The following RASSF9 variants were observed in gnomAD, a reference collection of about 807,000 sequenced individuals.
RASSF9 encodes the protein Ras association domain family member 9.
Under a neutral mutation model 21.4 loss-of-function variants are expected in RASSF9, and 18 were observed. The observed-to-expected ratio is 0.84, with a 90% CI of 0.58 to 1.25. The LOEUF (loss-of-function observed/expected upper bound fraction) is 1.25, where lower values mean the gene tolerates loss of function less well. RASSF9 is among the 50% of genes most tolerant of loss of function. The pLI is 0.00. For synonymous variants in RASSF9, 183 were observed against 179.1 expected (o/e 1.02, Z -0.18); for missense variants, 480 against 503.2 (o/e 0.95, Z 0.44).
chr12:85,805,700 C>T lies in RASSF9; in HGVS notation c.310G>A (p.Gly104Arg), dbSNP rs1224974657. 6 of 1,613,822 alleles carry T rather than the reference C, an allele frequency of 3.7e-6. No individual in the cohort carries two copies. The highest frequency in any genetic ancestry group is 5.1e-6 in the Non-Finnish European group (6 of 1,179,900). The stretch of plus-strand genomic sequence containing the variant: ...AATTGCATATTGGGCTGCTCATCTC[C>T]CCACGCTTTCCAAAGCTTCAGGATT... The part of the protein sequence containing the change: ...TRILKLWKAW[G>R]DEQPNMQFVL... The change falls in exon 2 of 2, where the codon GGA becomes AGA. Residue 104 changes from glycine to arginine, a missense_variant. Physicochemically the swap from Gly to Arg is moderately radical, Grantham distance 125. Transcript: ENST00000361228.
chr12:85,806,443 C>G (rs1473049742), intron 1 of RASSF9, among the ~76,000 whole-genome samples: 1 of 149,530 alleles, frequency 6.7e-6, no homozygotes, highest in Non-Finnish European at 1.5e-5. Flanking sequence ...CAGGCCGAGG[C>G]GGGTGGATCA....
rs1323094148 is a variant in RASSF9 at position 85,802,225 on chromosome 12, A to G, written c.*2477T>C. 2 of 152,228 alleles carry G rather than the reference A, an allele frequency of 1.3e-5. No homozygotes were observed. Among genetic ancestry groups the G allele is most frequent in the African/African-American group, 4.8e-5 (2 of 41,462 alleles). The allele number at this position is 152,228 out of a possible 1,614,324, so 9.4% of individuals were successfully genotyped here. A position where few individuals can be genotyped will look rare whatever the true frequency, so the allele number is the denominator to read the frequency against. ...TATAGATAATAACATTACACTTTCT[A>G]TCAAGTTCTATACTTATAATTCCAA... is the stretch of plus-strand genomic sequence containing the variant. On this transcript the variant is annotated 3_prime_UTR_variant, in exon 2 of 2. Coordinates refer to ENST00000361228, the MANE Select transcript of RASSF9 (RefSeq NM_005447.4).
At chr12:85,820,800 T>C (rs1454258906) in intron 1 of RASSF9, among the ~76,000 whole-genome samples, 1 of 152,192 alleles carries the variant, frequency 6.6e-6, no homozygotes, top group Non-Finnish European at 1.5e-5. Flanking sequence ...GTTCAATTTA[T>C]TTCTAGTAAG....
Position 85,805,513 on chromosome 12 carries a change from C to T in RASSF9, c.497G>A (p.Arg166Gln), listed in dbSNP as rs200777764. 1,640 of 1,613,828 alleles carry T rather than the reference C, an allele frequency of 1.0e-3. 2 individuals carry two copies. Among genetic ancestry groups the T allele is most frequent in the Non-Finnish European group, 1.3e-3 (1,524 of 1,179,864 alleles). The change falls in exon 2 of 2, where the codon CGG (arginine) becomes CAG (glutamine). Residue 166 changes from arginine (R) to glutamine (Q), a missense_variant. Physicochemically the swap from Arg to Gln is conservative, Grantham distance 43. Coordinates refer to ENST00000361228, the MANE Select transcript of RASSF9 (RefSeq NM_005447.4). ...KQKRIVRKTF[R>Q]KLAKIKQDTV... ...GTCCTGCTTAATTTTAGCCAGTTTC[C>T]GGAAAGTTTTCCTGACTATTCTTTT...
At chr12:85,836,110 C>G in intron 1 of RASSF9, 45 bp downstream of exon 1, 2 of 1,550,994 alleles carry the variant, frequency 1.3e-6, no homozygotes, top group East Asian at 2.4e-5. Context: ...AAGACACACA[C>G]ACACACAGAG....
chr12:85,807,925 T>C (rs7132683), intron 1 of RASSF9, among the ~76,000 whole-genome samples: 27,608 of 152,036 alleles, frequency 0.18, 2,762 homozygotes, highest in African/African-American at 0.23. Flanking sequence ...ATGAAATTAG[T>C]TATGCTACAA....
At chr12:85,806,914 T>C (rs1221642037) in intron 1 of RASSF9, among the ~76,000 whole-genome samples, 3 of 152,072 alleles carry the variant, frequency 2.0e-5, no homozygotes, top group African/African-American at 7.2e-5. Flanking sequence ...ATTGTTTATT[T>C]CATGCCAACT....
intron 1 of RASSF9, among the ~76,000 whole-genome samples, chr12:85,807,136 TGAA>T (rs1879853311): frequency 6.6e-6 from 1 of 152,146 alleles, no homozygotes; most frequent in African/African-American, 2.4e-5. Flanking sequence ...AGGTGACATT[TGAA>T]TAGGGATATC....
At position 85,805,478 on chromosome 12, in the gene RASSF9, G is replaced by C; in HGVS notation, c.532C>G (p.His178Asp). Residue 178 changes from histidine (H) to aspartate (D), a missense_variant, in exon 2 of 2, where the codon CAT (histidine) becomes GAT (aspartate). Coordinates refer to ENST00000361228, the MANE Select transcript of RASSF9 (RefSeq NM_005447.4). Reference protein sequence around the residue: ...LAKIKQDTVSHDRDNMETLVH... With the variant: ...LAKIKQDTVSDDRDNMETLVH... ...AATGTCTCCATATTATCTCGATCAT[G>C]AGAAACTGTGTCCTGCTTAATTTTA... 6.2e-7 allele frequency: 1 copy of C among 1,613,884 alleles called. No homozygotes were observed.
At chr12:85,824,243 G>A (rs1415268108) in intron 1 of RASSF9, among the ~76,000 whole-genome samples, 2 of 152,052 alleles carry the variant, frequency 1.3e-5, no homozygotes, top group Admixed American at 6.6e-5. Flanking sequence ...CCTACTGAAT[G>A]CAATTATAGT....
intron 1 of RASSF9, among the ~76,000 whole-genome samples, chr12:85,814,934 C>T (rs931362362): frequency 1.3e-4 from 20 of 151,978 alleles, no homozygotes; most frequent in Non-Finnish European, 2.8e-4. Context: ...GGTGGAGACC[C>T]ATGCAGTGAT....
chr12:85,835,744 A>T (rs1398913082), intron 1 of RASSF9, among the ~76,000 whole-genome samples: 1 of 152,152 alleles, frequency 6.6e-6, no homozygotes, highest in Non-Finnish European at 1.5e-5. Context: ...CATCTTTATC[A>T]AAGTTTTAAT....
intron 1 of RASSF9, among the ~76,000 whole-genome samples, chr12:85,808,285 A>G (rs1879878660): frequency 2.0e-5 from 3 of 152,106 alleles, no homozygotes; most frequent in South Asian, 4.1e-4. Flanking sequence ...CCTAACAAAA[A>G]ATTTCCAGGA....
chr12:85,816,610 A>G (rs1285548320), intron 1 of RASSF9, among the ~76,000 whole-genome samples: 1 of 152,168 alleles, frequency 6.6e-6, no homozygotes, highest in East Asian at 1.9e-4. Flanking sequence ...ATAGCATGAA[A>G]CAAAACCAGA....
chr12:85,815,416 G>A (rs1880039986), intron 1 of RASSF9, among the ~76,000 whole-genome samples: 1 of 152,046 alleles, frequency 6.6e-6, no homozygotes, highest in African/African-American at 2.4e-5. Context: ...CTTTCTGATT[G>A]CTGAATATAA....
Position 85,804,571 on chromosome 12 carries a change from CGA to C in RASSF9, c.*129_*130del. The C allele has an allele frequency of 1.1e-6, 1 of 918,134 alleles. No individual in the cohort carries two copies. Among genetic ancestry groups the C allele is most frequent in the Non-Finnish European group, 1.5e-6 (1 of 664,888 alleles). 56.9% of individuals were successfully genotyped at this position (918,134 alleles called of 1,614,324 possible). On this transcript the variant is annotated 3_prime_UTR_variant, in exon 2 of 2. Coordinates refer to ENST00000361228, the MANE Select transcript of RASSF9 (RefSeq NM_005447.4). Reference sequence around the variant, plus strand: ...TTCACATCAGAAACAACACATTTCTCGAGTTTTTATTAACTATTGAATACTAC... The same window carrying C: ...TTCACATCAGAAACAACACATTTCTCGTTTTTATTAACTATTGAATACTAC...
At chr12:85,816,649 G>A (rs1281693357) in intron 1 of RASSF9, among the ~76,000 whole-genome samples, 1 of 152,074 alleles carries the variant, frequency 6.6e-6, no homozygotes, top group African/African-American at 2.4e-5. Flanking sequence ...TCACCTATAT[G>A]TGTTTGATAT....
chr12:85,807,376 C>T (rs1258070785), intron 1 of RASSF9, among the ~76,000 whole-genome samples: 1 of 151,774 alleles, frequency 6.6e-6, no homozygotes, highest in Non-Finnish European at 1.5e-5. Flanking sequence ...AAGGGGGAAG[C>T]CAAAGAAAGT....
chr12:85,818,956 CAAA>C (rs60760019), intron 1 of RASSF9, among the ~76,000 whole-genome samples: 18 of 66,600 alleles, frequency 2.7e-4, no homozygotes, highest in Non-Finnish European at 4.1e-4. Context: ...GAGACTCCGT[CAAA>C]AAAAAAAAAA....
Sources: allele counts gnomAD v4.1 joint callset (sites outside exome capture counted in the v4.1 genomes callset), GRCh38; gene constraint gnomAD v4.1.1; transcripts MANE v1.5; gene names NCBI Gene and HGNC (gene_info 2026-07-23, HGNC 2026-07-21).